Variants in IFI35 observed in about 807,000 individuals in gnomAD.
IFI35 encodes interferon induced protein 35, also known as interferon-induced 35 kDa protein.
A neutral mutation model predicts 28.6 loss-of-function variants in IFI35; 30 were observed. That is an observed-to-expected ratio of 1.05 (90% confidence interval 0.79 to 1.43). The LOEUF is 1.43. IFI35 is among the 40% of genes most tolerant of loss of function. IFI35 has a pLI of 0.00. For missense variants in IFI35, 372 were observed against 356.9 expected (o/e 1.04, Z -0.34); for synonymous variants, 146 against 154.8 (o/e 0.94, Z 0.42).
chr17:43,013,074 CT>C lies in IFI35; in HGVS notation c.149del (p.Leu50ArgfsTer17). 7 of 1,614,122 alleles carry C rather than the reference CT, an allele frequency of 4.3e-6. No homozygotes were observed. Among genetic ancestry groups the C allele is most frequent in the South Asian group, 3.3e-5 (3 of 91,080 alleles). ...CCCATTTTCAGTGCCCAAGATCCCC[CT>C]GGTATTCCGAGGACACACCCAGCAG... ...KVPFSVPKIP[L>X]VFRGHTQQDP... is the part of the protein sequence containing the mutation. On this transcript the variant is annotated frameshift_variant, in exon 3 of 7. Transcript: ENST00000415816. LOFTEE classifies it high-confidence loss of function.
At chr17:43,012,480 C>T (rs1226644774) in intron 2 of IFI35, 1 of 381,090 alleles carries the variant, frequency 2.6e-6, no homozygotes, top group African/African-American at 2.1e-5. Flanking sequence ...GTGGCTCACG[C>T]CTGTAATCCC....
At chr17:43,009,144 A>C (rs1296525363) in intron 1 of IFI35, among the ~76,000 whole-genome samples, 3 of 151,782 alleles carry the variant, frequency 2.0e-5, no homozygotes, top group Admixed American at 2.0e-4. Flanking sequence ...GACTACAGGC[A>C]TGTGCCACCA....
chr17:43,012,628 C>A (rs1351876797), intron 2 of IFI35: 1 of 231,842 alleles, frequency 4.3e-6, no homozygotes, highest in Non-Finnish European at 8.5e-6. Context: ...ATCCCAGCTA[C>A]TTGGGAGGCT....
rs181434900 is a variant in IFI35, at chr17:43,007,492, G to A, written c.21+524G>A. On this transcript the variant is annotated intron_variant, in intron 1 of 6. Coordinates refer to ENST00000415816, the MANE Select transcript of IFI35 (RefSeq NM_001330230.2). ...TGCACTCCAGCCTGGGTGACACAGCGAGACTCTGTCTAAAAAAAAAAAAAA... is the reference window on the plus strand; with the variant it reads ...TGCACTCCAGCCTGGGTGACACAGCAAGACTCTGTCTAAAAAAAAAAAAAA... 3.0e-3 allele frequency among the ~76,000 whole-genome samples: 434 copies of A among 145,430 alleles called. 3 individuals are homozygous for A. Among genetic ancestry groups the A allele is most frequent in the African/African-American group, 0.011 (424 of 38,964 alleles).
Position 43,014,276 on chromosome 17 carries a change from G to C in IFI35, c.838G>C (p.Val280Leu), listed in dbSNP as rs1310943236. 8 of 1,580,484 alleles carry C rather than the reference G, an allele frequency of 5.1e-6. No individual in the cohort carries two copies. Among genetic ancestry groups the C allele is most frequent in the Non-Finnish European group, 6.9e-6 (8 of 1,164,800 alleles). The change falls in exon 7 of 7, where the codon GTC (valine) becomes CTC (leucine). Residue 280 changes from valine (V) to leucine (L), a missense_variant. Val to Leu is a conservative substitution (Grantham distance 32, BLOSUM62 1). Coordinates refer to ENST00000415816, the MANE Select transcript of IFI35 (RefSeq NM_001330230.2). ...ACCCCAAGGACAGCAGGGCCTAGCA[G>C]TCTTCACCTCTGAGTCAGGCTAGGG... ...VVPQGQQGLA[V>L]FTSESG
intron 1 of IFI35, among the ~76,000 whole-genome samples, chr17:43,011,673 A>G (rs1341874305): frequency 2.0e-5 from 3 of 152,180 alleles, no homozygotes; most frequent in Admixed American, 1.3e-4. Context: ...GTACTTAGTA[A>G]ACGTTAGTTA....
At chr17:43,011,039 T>C (rs2151968611) in intron 1 of IFI35, among the ~76,000 whole-genome samples, 1 of 152,296 alleles carries the variant, frequency 6.6e-6, no homozygotes, top group African/African-American at 2.4e-5. Flanking sequence ...TTACTTGGTG[T>C]ACAGTGGAAA....
chr17:43,007,807 CA>C (rs2050420922), intron 1 of IFI35, among the ~76,000 whole-genome samples: 1 of 143,206 alleles, frequency 7.0e-6, no homozygotes, highest in African/African-American at 2.6e-5. Flanking sequence ...CTCTGGGCAA[CA>C]GAGGGAGACT....
At chr17:43,012,465 G>A (rs1277159390) in intron 2 of IFI35, 188 bp downstream of exon 2, 5 of 428,494 alleles carry the variant, frequency 1.2e-5, no homozygotes, top group Non-Finnish European at 1.7e-5. Context: ...ATTAGGCCGG[G>A]CGCAGTGGCT....
intron 1 of IFI35, among the ~76,000 whole-genome samples, chr17:43,008,550 G>A (rs1256009157): frequency 8.6e-6 from 1 of 115,722 alleles, no homozygotes; most frequent in Non-Finnish European, 1.7e-5. Flanking sequence ...TTGAGATGGA[G>A]TCTCGCTCTG....
At chr17:43,011,045 G>A (rs2050453619) in intron 1 of IFI35, among the ~76,000 whole-genome samples, 1 of 152,154 alleles carries the variant, frequency 6.6e-6, no homozygotes, top group South Asian at 2.1e-4. Context: ...GGTGTACAGT[G>A]GAAAGTGTGA....
At chr17:43,011,559 T>C (rs766460925) in intron 1 of IFI35, among the ~76,000 whole-genome samples, 6 of 151,886 alleles carry the variant, frequency 4.0e-5, no homozygotes, top group Non-Finnish European at 8.8e-5. Flanking sequence ...AATAAATCAA[T>C]AAAATAAGGA....
intron 1 of IFI35, among the ~76,000 whole-genome samples, chr17:43,010,645 A>G (rs2050450184): frequency 6.6e-6 from 1 of 152,210 alleles, no homozygotes; most frequent in African/African-American, 2.4e-5. Context: ...AAACCAGCAT[A>G]ATTTGGTCAA....
chr17:43,012,037 G>A (rs1431998833), intron 1 of IFI35, 142 bp from the exon 2 acceptor site: 1 of 559,754 alleles, frequency 1.8e-6, no homozygotes, highest in Non-Finnish European at 3.1e-6. Flanking sequence ...CCAGCCCAGG[G>A]CAGCACAAAG....
At chr17:43,007,999 AC>A (rs1274917110) in intron 1 of IFI35, among the ~76,000 whole-genome samples, 1 of 148,670 alleles carries the variant, frequency 6.7e-6, no homozygotes, top group Non-Finnish European at 1.5e-5. Flanking sequence ...ATTATTGCCA[AC>A]CTTTTCAGAA....
At chr17:43,007,847 T>TATATATATATATATATA (rs2050421792) in intron 1 of IFI35, among the ~76,000 whole-genome samples, 2 of 119,058 alleles carry the variant, frequency 1.7e-5, no homozygotes, top group African/African-American at 7.7e-5. Flanking sequence ...CACACAAAAT[T>TATATATATATATATATA]TATATATATA....
chr17:43,008,486 TTA>T (rs1191114865), intron 1 of IFI35, among the ~76,000 whole-genome samples: 1 of 149,002 alleles, frequency 6.7e-6, no homozygotes, highest in African/African-American at 2.5e-5. Flanking sequence ...GTAGCTGGGA[TTA>T]TAGGCACACA....
Position 43,009,858 on chromosome 17 carries a change from G to A in IFI35, c.22-2321G>A, listed in dbSNP as rs771324167. On this transcript the variant is annotated intron_variant, in intron 1 of 6. Transcript: ENST00000415816. Reference sequence around the variant, plus strand: ...TGAGGCAGGAGAATCTGTTGAATCCGGGAGGTGGAGTTTGCAGCGAGCCGA... The same window carrying A: ...TGAGGCAGGAGAATCTGTTGAATCCAGGAGGTGGAGTTTGCAGCGAGCCGA... 1.2e-4 allele frequency among the ~76,000 whole-genome samples: 19 copies of A among 152,142 alleles called. 1 individual carries two copies. Among genetic ancestry groups the A allele is most frequent in the South Asian group, 1.2e-3 (6 of 4,816 alleles).
intron 1 of IFI35, among the ~76,000 whole-genome samples, chr17:43,008,066 ACT>A (rs1239813933): frequency 8.0e-6 from 1 of 124,354 alleles, no homozygotes; most frequent in Non-Finnish European, 1.6e-5. Context: ...ACGGAGTCTC[ACT>A]CTGTCTCCTA....
Sources: allele counts gnomAD v4.1 joint callset (sites outside exome capture counted in the v4.1 genomes callset), GRCh38; gene constraint gnomAD v4.1.1; transcripts MANE v1.5; gene names NCBI Gene and HGNC (gene_info 2026-07-23, HGNC 2026-07-21).